SLCO5A1: variants seen among roughly 807,000 people sequenced by gnomAD.
The protein encoded by SLCO5A1 is organic anion transporter polypeptide-related protein 4.
Under a neutral mutation model 65.1 loss-of-function variants are expected in SLCO5A1, and 39 were observed. The ratio of observed to expected loss-of-function variants is 0.60; its 90% CI spans 0.46 to 0.78. SLCO5A1 has a LOEUF of 0.78. Among genes scored for constraint, SLCO5A1 ranks in the 30% least tolerant of loss-of-function variants. SLCO5A1 has a pLI of 0.00. For missense variants in SLCO5A1, 1,029 were observed against 1,069.4 expected (o/e 0.96, Z 0.53); for synonymous variants, 438 against 415.7 (o/e 1.05, Z -0.65).
chr8:69,822,257 G>C (rs978775621), intron 2 of SLCO5A1, among the ~76,000 whole-genome samples: 1 of 152,238 alleles, frequency 6.6e-6, no homozygotes, highest in Non-Finnish European at 1.5e-5. Flanking sequence ...TAGACCCACA[G>C]TGGTGAAATG....
chr8:69,688,513 A>T (rs1334301670), intron 6 of SLCO5A1, among the ~76,000 whole-genome samples: 1 of 150,856 alleles, frequency 6.6e-6, no homozygotes, highest in South Asian at 2.1e-4. Context: ...CAGGCCCCAG[A>T]GTGTGATGTT....
chr8:69,794,535 T>G (rs1298907779), intron 2 of SLCO5A1: 2 of 382,414 alleles, frequency 5.2e-6, no homozygotes, highest in Admixed American at 6.1e-5. Context: ...CTCTTTCAGC[T>G]CTCTATGTGG....
intron 5 of SLCO5A1, among the ~76,000 whole-genome samples, chr8:69,718,015 T>C (rs1815635356): frequency 6.6e-6 from 1 of 152,188 alleles, no homozygotes; most frequent in Non-Finnish European, 1.5e-5. Context: ...AATTTATTCC[T>C]CCTACATAAC....
intron 2 of SLCO5A1, among the ~76,000 whole-genome samples, chr8:69,774,332 G>T (rs889517900): frequency 6.6e-6 from 1 of 152,148 alleles, no homozygotes; most frequent in Non-Finnish European, 1.5e-5. Context: ...TACAGAGTTG[G>T]TCCCTATGGT....
intron 5 of SLCO5A1, among the ~76,000 whole-genome samples, chr8:69,731,551 T>G: frequency 6.6e-6 from 1 of 152,194 alleles, no homozygotes; most frequent in East Asian, 1.9e-4. Flanking sequence ...ATTCCTTAAA[T>G]TAGTTGATTG....
chr8:69,825,178 A>T lies in SLCO5A1; in HGVS notation c.907+6589T>A, dbSNP rs574043460. Among the ~76,000 whole-genome samples, 295 of 152,344 alleles carry T rather than the reference A, an allele frequency of 1.9e-3. No homozygotes were observed. The Middle Eastern group carries it at 0.02, about 11-fold the overall frequency. ...AAACCCACAGCCAATATCATACTGAATGGGCAAAAACTGGAAGCATTCCCT... is the reference window on the plus strand; with the variant it reads ...AAACCCACAGCCAATATCATACTGATTGGGCAAAAACTGGAAGCATTCCCT... On this transcript the variant is annotated intron_variant, in intron 2 of 9. Transcript: ENST00000260126.
chr8:69,686,694 C>T (rs1002323980), intron 6 of SLCO5A1, among the ~76,000 whole-genome samples: 1 of 152,202 alleles, frequency 6.6e-6, no homozygotes, highest in African/African-American at 2.4e-5. Flanking sequence ...TCTTTCACCA[C>T]AGTGTGCATC....
At chr8:69,687,477 T>G (rs893094412) in intron 6 of SLCO5A1, among the ~76,000 whole-genome samples, 2 of 152,236 alleles carry the variant, frequency 1.3e-5, no homozygotes, top group African/African-American at 4.8e-5. Context: ...AACTTACATG[T>G]AATAACCCAC....
At position 69,755,455 on chromosome 8, in the gene SLCO5A1, A is replaced by G; in HGVS notation, c.1227T>C (p.Val409=). The change falls in exon 4 of 10, where the codon GTT becomes GTC. Residue 409 remains valine (V), a synonymous_variant. Coordinates refer to ENST00000260126, the MANE Select transcript of SLCO5A1 (RefSeq NM_030958.3). ...SNNSEQADKK[V]SSMGFGKDVR... ...CATCCTTTCCAAATCCCATCGAAGA[A>G]ACTTTTTTGTCCGCTTGTTCACTGT... The G allele has an allele frequency of 6.2e-7, 1 of 1,613,966 alleles. No homozygotes were observed. Among genetic ancestry groups the G allele is most frequent in the Non-Finnish European group, 8.5e-7 (1 of 1,179,998 alleles).
chr8:69,725,729 A>G (rs1211992940), intron 5 of SLCO5A1, among the ~76,000 whole-genome samples: 1 of 152,224 alleles, frequency 6.6e-6, no homozygotes, highest in East Asian at 1.9e-4. Flanking sequence ...GTTTTTATTC[A>G]TTCCTTCATC....
At chr8:69,724,742 G>C (rs17668056) in intron 5 of SLCO5A1, among the ~76,000 whole-genome samples, 2,247 of 152,290 alleles carry the variant, frequency 0.015, 37 homozygotes, top group Middle Eastern at 0.041. Context: ...TAAGGGCCAG[G>C]ATATTCATTA....
chr8:69,710,733 T>C (rs1320003292), intron 5 of SLCO5A1, among the ~76,000 whole-genome samples: 8 of 152,176 alleles, frequency 5.3e-5, no homozygotes. Context: ...TGATTATGCA[T>C]CCTAATTAGC....
At chr8:69,726,516 G>A (rs1177780283) in intron 5 of SLCO5A1, among the ~76,000 whole-genome samples, 1 of 117,474 alleles carries the variant, frequency 8.5e-6, no homozygotes, top group East Asian at 2.2e-4. Context: ...TTTTTTTTTG[G>A]GGGGACAGAG....
intron 6 of SLCO5A1, among the ~76,000 whole-genome samples, chr8:69,682,611 T>C (rs1813832368): frequency 6.6e-6 from 1 of 152,234 alleles, no homozygotes; most frequent in African/African-American, 2.4e-5. Context: ...CTCTTGGTGC[T>C]ATGAACCTGG....
At position 69,669,199 on chromosome 8, in the gene SLCO5A1, G is replaced by T. The variant is rs376719161; in HGVS notation, c.*3670C>A. The T allele has an allele frequency of 6.6e-6, 1 of 152,148 alleles. No homozygotes were observed. Among genetic ancestry groups the T allele is most frequent in the East Asian group, 1.9e-4 (1 of 5,170 alleles). The allele number at this position is 152,148 out of a possible 1,614,324, so 9.4% of individuals were successfully genotyped here. A position where few individuals can be genotyped will look rare whatever the true frequency, so the allele number is the denominator to read the frequency against. ...TAATATAACACTTAGCTAAATAAAT[G>T]TAAATTTACCTTGAAAATCTAGTTA... On this transcript the variant is annotated 3_prime_UTR_variant, in exon 10 of 10. Transcript: ENST00000260126.
chr8:69,773,207 G>T (rs897663113), intron 2 of SLCO5A1, among the ~76,000 whole-genome samples: 2 of 152,204 alleles, frequency 1.3e-5, no homozygotes, highest in East Asian at 1.9e-4. Context: ...ACACACAGCT[G>T]CATGCAGGCT....
At position 69,699,331 on chromosome 8, in the gene SLCO5A1, C is replaced by G. The variant is rs149474985; in HGVS notation, c.1622+5700G>C. Among the ~76,000 whole-genome samples the G allele has an allele frequency of 2.6e-5, 4 of 152,234 alleles. No individual in the cohort carries two copies. In the East Asian group the frequency reaches 7.7e-4, roughly 29 times the overall value. On this transcript the variant is annotated intron_variant, in intron 6 of 9. Coordinates refer to ENST00000260126, the MANE Select transcript of SLCO5A1 (RefSeq NM_030958.3). Reference sequence around the variant, plus strand: ...AAAATGAACAGTGAGGACCCAGGCCCGTTCCCCCAACTCTCAGCTCTAGGA... The same window carrying G: ...AAAATGAACAGTGAGGACCCAGGCCGGTTCCCCCAACTCTCAGCTCTAGGA...
At chr8:69,701,824 G>T (rs766152579) in intron 6 of SLCO5A1, among the ~76,000 whole-genome samples, 1 of 152,114 alleles carries the variant, frequency 6.6e-6, no homozygotes, top group Non-Finnish European at 1.5e-5. Context: ...TTCATATTTG[G>T]CTCAGAATAA....
At chr8:69,780,149 TA>T (rs1468683285) in intron 2 of SLCO5A1, among the ~76,000 whole-genome samples, 5 of 152,034 alleles carry the variant, frequency 3.3e-5, no homozygotes, top group African/African-American at 1.2e-4. Flanking sequence ...AGACAAAAAA[TA>T]ACAGATGTTG....
Sources: gnomAD v4.1 joint callset for allele counts (sites outside exome capture counted in the v4.1 genomes callset) on GRCh38, gnomAD v4.1.1 for gene constraint, MANE v1.5 for transcripts, NCBI Gene and HGNC (gene_info 2026-07-23, HGNC 2026-07-21) for gene names.